Variants in TMC1 observed in about 807,000 individuals in gnomAD.
TMC1 encodes transmembrane channel-like protein 1.
TMC1 carries 84 observed loss-of-function variants against 105.8 expected under a neutral mutation model. The ratio of observed to expected loss-of-function variants is 0.79; its 90% confidence interval spans 0.67 to 0.95. The LOEUF is 0.95. Ranked by LOEUF, TMC1 falls within the 40% of genes least tolerant of loss-of-function variation. The pLI is 0.00. For synonymous variants in TMC1, 315 were observed against 311.5 expected, an observed-to-expected ratio of 1.01 and a Z score of -0.12; for missense variants, 817 against 914.1, an observed-to-expected ratio of 0.89 and a Z score of 1.37.
chr9:72,630,870 T>C (rs1825437708), intron 4 of TMC1, among the ~76,000 whole-genome samples: 1 of 151,790 alleles, frequency 6.6e-6, no homozygotes, highest in South Asian at 2.1e-4. Context: ...TTTCACTTTT[T>C]TTTTTTTTTT....
intron 12 of TMC1, among the ~76,000 whole-genome samples, chr9:72,771,144 T>C (rs1315539639): frequency 2.0e-5 from 3 of 152,214 alleles, no homozygotes; most frequent in African/African-American, 4.8e-5. Flanking sequence ...CCCAGACCTT[T>C]GGTATTTACC....
intron 5 of TMC1, among the ~76,000 whole-genome samples, chr9:72,648,893 T>G (rs1825757823): frequency 6.6e-6 from 1 of 152,140 alleles, no homozygotes; most frequent in Non-Finnish European, 1.5e-5. Context: ...CACCAACTGG[T>G]AAGTGCTAAA....
At chr9:72,709,870 G>A (rs984621046) in intron 8 of TMC1, among the ~76,000 whole-genome samples, 1 of 152,004 alleles carries the variant, frequency 6.6e-6, no homozygotes, top group South Asian at 2.1e-4. Flanking sequence ...ATTTAGTTCT[G>A]CTCTGATCTT....
chr9:72,643,645 T>C (rs1000695910), intron 4 of TMC1, among the ~76,000 whole-genome samples: 1 of 152,204 alleles, frequency 6.6e-6, no homozygotes, highest in African/African-American at 2.4e-5. Flanking sequence ...TTCTGTATTA[T>C]TACAAATTAG....
intron 12 of TMC1, among the ~76,000 whole-genome samples, chr9:72,755,108 GAAAGAGAA>G (rs1478609743): frequency 6.6e-5 from 10 of 151,220 alleles, no homozygotes; most frequent in African/African-American, 1.9e-4. Flanking sequence ...AAGAAAGAAA[GAAAGAGAA>G]AGAAAGAAAG....
intron 5 of TMC1, among the ~76,000 whole-genome samples, chr9:72,653,123 A>G (rs746852050): frequency 2.0e-5 from 3 of 152,206 alleles, no homozygotes; most frequent in Non-Finnish European, 2.9e-5. Context: ...CATTCATCTG[A>G]TCACAGTTCA....
intron 1 of TMC1, among the ~76,000 whole-genome samples, chr9:72,571,984 G>GTACTAC (rs977144680): frequency 1.3e-5 from 2 of 151,566 alleles, no homozygotes; most frequent in African/African-American, 4.8e-5. Flanking sequence ...TTACAGGCAT[G>GTACTAC]TACTACCACA....
At chr9:72,738,419 T>C (rs1437738510) in intron 8 of TMC1, among the ~76,000 whole-genome samples, 1 of 117,710 alleles carries the variant, frequency 8.5e-6, no homozygotes, top group Non-Finnish European at 1.8e-5. Context: ...CTGACCCTTC[T>C]TTTTTTTTTC....
chr9:72,657,061 A>G (rs1825895366), intron 5 of TMC1, among the ~76,000 whole-genome samples: 2 of 152,204 alleles, frequency 1.3e-5, no homozygotes, highest in Admixed American at 1.3e-4. Context: ...ACATCTATGC[A>G]CATAGCGGTA....
At chr9:72,725,296 A>C (rs1827094393) in intron 8 of TMC1, among the ~76,000 whole-genome samples, 1 of 142,960 alleles carries the variant, frequency 7.0e-6, no homozygotes, top group Non-Finnish European at 1.5e-5. Context: ...CTCATAGGAT[A>C]CCCCCACACA....
Position 72,775,233 on chromosome 9 carries a change from C to T in TMC1, c.884+2678C>T, listed in dbSNP as rs111856976. Among the ~76,000 whole-genome samples, 361 of 151,532 alleles carry T rather than the reference C, an allele frequency of 2.4e-3. 2 individuals carry two copies. The highest frequency in any genetic ancestry group is 0.01 in the South Asian group (49 of 4,816). On this transcript the variant is annotated intron_variant, in intron 13 of 23. Coordinates refer to ENST00000297784, the MANE Select transcript of TMC1 (RefSeq NM_138691.3). Reference sequence around the variant, plus strand: ...TAAGTCCTTCCCTTTTCTTCTTCCTCCCTTCATTCATTTCTTTTATCCTTT... The same window carrying T: ...TAAGTCCTTCCCTTTTCTTCTTCCTTCCTTCATTCATTTCTTTTATCCTTT...
intron 2 of TMC1, among the ~76,000 whole-genome samples, chr9:72,586,133 G>C (rs1025577067): frequency 6.6e-6 from 1 of 152,120 alleles, no homozygotes; most frequent in Admixed American, 6.6e-5. Flanking sequence ...TTAATAAAAT[G>C]GTTCTAATTA....
At chr9:72,585,326 A>C (rs1411583430) in intron 2 of TMC1, among the ~76,000 whole-genome samples, 3 of 148,216 alleles carry the variant, frequency 2.0e-5, no homozygotes, top group African/African-American at 7.6e-5. Context: ...AATTTTTTGT[A>C]CTTTTAGTAG....
At position 72,754,897 on chromosome 9, in the gene TMC1, A is replaced by C; in HGVS notation, c.741+13A>C. Reference sequence around the variant, plus strand: ...GTACGACTTCAATGTAAGTGTCTCCACACAAGTGTATTGGTGGGAGGATGG... The same window carrying C: ...GTACGACTTCAATGTAAGTGTCTCCCCACAAGTGTATTGGTGGGAGGATGG... On this transcript the variant is annotated intron_variant, in intron 12 of 23. Coordinates refer to ENST00000297784, the MANE Select transcript of TMC1 (RefSeq NM_138691.3). 1 of 1,594,314 alleles carries C rather than the reference A, an allele frequency of 6.3e-7. No individual in the cohort carries two copies. The highest frequency in any genetic ancestry group is 8.6e-7 in the Non-Finnish European group (1 of 1,161,944).
intron 1 of TMC1, 81 bp from the exon 2 acceptor site, chr9:72,577,821 G>A (rs918282905): frequency 6.6e-6 from 1 of 152,030 alleles, no homozygotes; most frequent in African/African-American, 2.4e-5. Context: ...AGCATGCTGT[G>A]TTTTGGGCTC....
intron 18 of TMC1, among the ~76,000 whole-genome samples, chr9:72,805,858 G>A (rs1479494601): frequency 6.6e-6 from 1 of 152,156 alleles, no homozygotes; most frequent in Non-Finnish European, 1.5e-5. Flanking sequence ...CACAGGGTTG[G>A]GGGCAAGGTC....
chr9:72,649,495 T>C (rs1473535905), intron 5 of TMC1, among the ~76,000 whole-genome samples: 2 of 152,212 alleles, frequency 1.3e-5, no homozygotes, highest in Admixed American at 6.5e-5. Context: ...CATTTAGAGA[T>C]AATCTAGTAA....
intron 1 of TMC1, among the ~76,000 whole-genome samples, chr9:72,541,718 C>G (rs776712971): frequency 1.3e-5 from 2 of 150,938 alleles, no homozygotes; most frequent in Non-Finnish European, 2.9e-5. Flanking sequence ...AGAAGCTTTC[C>G]AGGGTGGTCT....
At chr9:72,756,934 G>C (rs555970881) in intron 12 of TMC1, among the ~76,000 whole-genome samples, 3 of 152,216 alleles carry the variant, frequency 2.0e-5, no homozygotes, top group East Asian at 1.9e-4. Context: ...AGAGGGAAAG[G>C]GTTTGGATGA....
Sources: allele counts gnomAD v4.1 joint callset (sites outside exome capture counted in the v4.1 genomes callset), GRCh38; gene constraint gnomAD v4.1.1; transcripts MANE v1.5; gene names NCBI Gene and HGNC (gene_info 2026-07-23, HGNC 2026-07-21).